The following SPIRE1 variants were observed in gnomAD, a reference collection of about 807,000 sequenced individuals.
The protein encoded by SPIRE1 is spire type actin nucleation factor 1, also known as protein spire homolog 1.
In SPIRE1, 40 loss-of-function variants were observed where a neutral mutation model predicts 94.1. The observed-to-expected ratio is 0.43, with a 90% CI of 0.33 to 0.55. The LOEUF (loss-of-function observed/expected upper bound fraction) is 0.55. SPIRE1 is among the 20% of genes least tolerant of loss of function. SPIRE1 has a pLI of 0.06. For synonymous variants in SPIRE1, 376 were observed against 371.7 expected, an observed-to-expected ratio of 1.01 and a Z score of -0.13; for missense variants, 838 against 975.2, an observed-to-expected ratio of 0.86 and a Z score of 1.87.
chr18:12,476,177 G>GA (rs1183938763), intron 10 of SPIRE1, among the ~76,000 whole-genome samples: 3 of 152,092 alleles, frequency 2.0e-5, no homozygotes, highest in Admixed American at 2.0e-4. Flanking sequence ...CACAAAACTT[G>GA]AAACAGTTGA....
At chr18:12,611,978 T>G (rs1484305873) in intron 2 of SPIRE1, among the ~76,000 whole-genome samples, 2 of 152,162 alleles carry the variant, frequency 1.3e-5, no homozygotes, top group Non-Finnish European at 2.9e-5. Flanking sequence ...CCAGCTTAAT[T>G]TGTTATGTAG....
chr18:12,497,100 A>C (rs1286738753), intron 6 of SPIRE1, among the ~76,000 whole-genome samples: 3 of 151,862 alleles, frequency 2.0e-5, no homozygotes, highest in Non-Finnish European at 4.4e-5. Flanking sequence ...AAACAACAAC[A>C]AAAAAACCCC....
intron 2 of SPIRE1, among the ~76,000 whole-genome samples, chr18:12,614,215 C>T (rs1413207191): frequency 2.0e-5 from 3 of 152,046 alleles, no homozygotes; most frequent in African/African-American, 4.8e-5. Context: ...GAGCTATGAT[C>T]GTACTATTGC....
chr18:12,615,345 A>AAAAAAAAAAAAATAT, intron 2 of SPIRE1, among the ~76,000 whole-genome samples: 5 of 17,242 alleles, frequency 2.9e-4, no homozygotes, highest in African/African-American at 5.9e-4. Context: ...AAAAAAAAAA[A>AAAAAAAAAAAAATAT]ATATATATAT....
At chr18:12,524,193 A>AAATTCAT (rs2034439065) in intron 4 of SPIRE1, among the ~76,000 whole-genome samples, 1 of 152,232 alleles carries the variant, frequency 6.6e-6, no homozygotes, top group South Asian at 2.1e-4. Flanking sequence ...ATACTTTGAA[A>AAATTCAT]AATTCATAAG....
At chr18:12,554,860 G>A (rs2035454479) in intron 2 of SPIRE1, among the ~76,000 whole-genome samples, 1 of 152,154 alleles carries the variant, frequency 6.6e-6, no homozygotes, top group Admixed American at 6.6e-5. Flanking sequence ...GATTCTCCCA[G>A]TCTTAACACT....
intron 9 of SPIRE1, among the ~76,000 whole-genome samples, chr18:12,485,387 G>C (rs2033000970): frequency 6.6e-6 from 1 of 152,138 alleles, no homozygotes; most frequent in Non-Finnish European, 1.5e-5. Flanking sequence ...TTACAGGCGT[G>C]AGCCACCGCG....
At position 12,592,714 on chromosome 18, in the gene SPIRE1, G is replaced by A. The variant is rs1206222558; in HGVS notation, c.372+42348C>T. ...TCGCCACAATGGCAGTAACTGCAGA[G>A]TTAGGTAGACGACAAAGCATCTGAA... On this transcript the variant is annotated intron_variant, in intron 2 of 16. Coordinates refer to ENST00000409402, the MANE Select transcript of SPIRE1 (RefSeq NM_001128626.2). 2.6e-5 allele frequency among the ~76,000 whole-genome samples: 4 copies of A among 152,214 alleles called. 1 individual carries two copies. Among genetic ancestry groups the A allele is most frequent in the African/African-American group, 9.6e-5 (4 of 41,458 alleles).
At chr18:12,512,156 G>C (rs2034053136) in intron 5 of SPIRE1, among the ~76,000 whole-genome samples, 1 of 152,162 alleles carries the variant, frequency 6.6e-6, no homozygotes, top group South Asian at 2.1e-4. Flanking sequence ...CATAAGGTCA[G>C]GAGTTTGAGA....
At chr18:12,537,626 A>T (rs1406421084) in intron 3 of SPIRE1, among the ~76,000 whole-genome samples, 1 of 152,206 alleles carries the variant, frequency 6.6e-6, no homozygotes, top group Non-Finnish European at 1.5e-5. Flanking sequence ...TAAAAAATCT[A>T]AAGGAATACT....
intron 3 of SPIRE1, among the ~76,000 whole-genome samples, chr18:12,539,358 C>T (rs1040253978): frequency 2.0e-5 from 3 of 152,038 alleles, no homozygotes; most frequent in African/African-American, 7.2e-5. Flanking sequence ...CTGCTGCCAG[C>T]GATGTAAGAC....
intron 2 of SPIRE1, among the ~76,000 whole-genome samples, chr18:12,629,459 G>A (rs373349190): frequency 1.2e-4 from 19 of 152,150 alleles, no homozygotes; most frequent in Non-Finnish European, 2.8e-4. Context: ...ACAGGCAAGC[G>A]CCTACGAGTA....
Position 12,454,278 on chromosome 18 carries a change from C to G in SPIRE1, c.1776+68G>C, listed in dbSNP as rs778159845. On this transcript the variant is annotated intron_variant, in intron 13 of 16. Coordinates refer to ENST00000409402, the MANE Select transcript of SPIRE1 (RefSeq NM_001128626.2). The stretch of plus-strand genomic sequence containing the variant: ...GCCACCTGGCTAGCAGATAACTCTC[C>G]CAGGAGACTATGCATGGGACTGGCC... 1.0e-4 allele frequency: 158 copies of G among 1,581,788 alleles called. 1 individual carries two copies. The highest frequency in any genetic ancestry group is 3.4e-4 in the Middle Eastern group (2 of 5,880).
At chr18:12,648,270 C>G (rs1385230322) in intron 1 of SPIRE1, among the ~76,000 whole-genome samples, 1 of 152,066 alleles carries the variant, frequency 6.6e-6, no homozygotes, top group East Asian at 1.9e-4. Flanking sequence ...AAAATAGTAA[C>G]TTTTTAGTGG....
At chr18:12,551,884 G>GGGTA (rs1291373677) in intron 2 of SPIRE1, among the ~76,000 whole-genome samples, 1 of 152,086 alleles carries the variant, frequency 6.6e-6, no homozygotes, top group African/African-American at 2.4e-5. Flanking sequence ...GCACCAAAGA[G>GGGTA]GGTAGGAAAG....
intron 7 of SPIRE1, 94 bp from the exon 8 acceptor site, chr18:12,493,295 T>C (rs1437619211): frequency 6.9e-6 from 8 of 1,162,908 alleles, no homozygotes; most frequent in African/African-American, 3.1e-5. Flanking sequence ...TTACATTTCA[T>C]TGACTGGAAC....
chr18:12,616,483 G>A lies in SPIRE1; in HGVS notation c.372+18579C>T, dbSNP rs375196260. On this transcript the variant is annotated intron_variant, in intron 2 of 16. Coordinates refer to ENST00000409402, the MANE Select transcript of SPIRE1 (RefSeq NM_001128626.2). ...GTTGAGGTTTTACTTGCGGGTGGGT[G>A]GAAGGTAGAAGGTCCCAGAGCAGCC... 2.0e-5 allele frequency among the ~76,000 whole-genome samples: 3 copies of A among 152,194 alleles called. No homozygotes were observed. The South Asian group carries it at 6.2e-4, about 32-fold the overall frequency.
chr18:12,610,178 G>C (rs2037098396), intron 2 of SPIRE1, among the ~76,000 whole-genome samples: 1 of 151,646 alleles, frequency 6.6e-6, no homozygotes, highest in East Asian at 1.9e-4. Context: ...AATTCTAGTT[G>C]CCGGTTTACT....
intron 9 of SPIRE1, 99 bp from the exon 10 acceptor site, chr18:12,479,970 G>A: frequency 8.5e-7 from 1 of 1,175,702 alleles, no homozygotes; most frequent in South Asian, 1.6e-5. Context: ...AAAACACAGA[G>A]GCTTGATTCA....
Sources: allele counts gnomAD v4.1 joint callset (sites outside exome capture counted in the v4.1 genomes callset), GRCh38; gene constraint gnomAD v4.1.1; transcripts MANE v1.5; gene names NCBI Gene and HGNC (gene_info 2026-07-23, HGNC 2026-07-21).